The following P3H1 variants were observed in gnomAD, a reference collection of about 807,000 sequenced individuals.
P3H1 encodes growth suppressor 1.
A neutral mutation model predicts 84.0 loss-of-function variants in P3H1; 69 were observed. The observed-to-expected ratio is 0.82, with a 90% CI of 0.68 to 1.00. P3H1 has a LOEUF of 1.00. Ranked by LOEUF, P3H1 falls within the 50% of genes least tolerant of loss-of-function variation. The pLI is 0.00. For missense variants in P3H1, 878 were observed against 962.8 expected, an observed-to-expected ratio of 0.91 and a Z score of 1.17; for synonymous variants, 366 against 388.8, an observed-to-expected ratio of 0.94 and a Z score of 0.69.
At chr1:42,747,538 G>T in intron 13 of P3H1, 126 bp from the exon 14 acceptor site, 1 of 1,128,702 alleles carries the variant, frequency 8.9e-7, no homozygotes, top group Non-Finnish European at 1.3e-6. Context: ...CCTAAGACCA[G>T]AACTAAAGAG....
At position 42,746,791 on chromosome 1, in the gene P3H1, G is replaced by A. The variant is rs928671701; in HGVS notation, c.2117C>T (p.Ser706Phe). 1.3e-6 allele frequency: 2 copies of A among 1,580,218 alleles called. No homozygotes were observed. Among genetic ancestry groups the A allele is most frequent in the Non-Finnish European group, 1.7e-6 (2 of 1,163,144 alleles). Residue 706 changes from serine (S) to phenylalanine (F), a missense_variant, in exon 15 of 15, where the codon TCC becomes TTC. By Grantham distance (155) the Ser-to-Phe change is radical. Coordinates refer to ENST00000296388, the MANE Select transcript of P3H1 (RefSeq NM_022356.4). ...CTGGGCATCCAGGGGCTGCTCCTGG[G>A]AGAGGTCCATCTCTTCTGGGCTGAA... ...MLFSPEEMDL[S>F]QEQPLDAQQG...
intron 5 of P3H1, among the ~76,000 whole-genome samples, chr1:42,756,093 T>C (rs1652388518): frequency 6.6e-6 from 1 of 152,240 alleles, no homozygotes; most frequent in African/African-American, 2.4e-5. Context: ...ATGCTCATTC[T>C]ACAGAGGAAG....
chr1:42,748,470 G>A (rs1405915825), intron 11 of P3H1, 153 bp from the exon 12 acceptor site: 2 of 716,144 alleles, frequency 2.8e-6, no homozygotes, highest in African/African-American at 3.4e-5. Context: ...CAAGCCTAGG[G>A]GTCAGGACAA....
At chr1:42,747,511 C>T (rs1651796930) in intron 13 of P3H1, 99 bp from the exon 14 acceptor site, 1 of 1,271,564 alleles carries the variant, frequency 7.9e-7, no homozygotes, top group Non-Finnish European at 1.1e-6. Context: ...CCGAGGGCAG[C>T]TCTTCAGTAT....
chr1:42,760,388 C>G (rs1184096723), intron 2 of P3H1: 1 of 152,072 alleles, frequency 6.6e-6, no homozygotes, highest in Non-Finnish European at 1.5e-5. Flanking sequence ...GACAGACAGC[C>G]CAGGCTGGAG....
intron 10 of P3H1, among the ~76,000 whole-genome samples, chr1:42,750,940 G>T (rs1449126500): frequency 7.3e-6 from 1 of 137,404 alleles, no homozygotes; most frequent in Non-Finnish European, 1.6e-5. Flanking sequence ...GTCCGGGAGG[G>T]TGGTGGGGGG....
intron 4 of P3H1, among the ~76,000 whole-genome samples, chr1:42,758,613 T>C (rs1041809699): frequency 2.0e-5 from 3 of 152,198 alleles, no homozygotes; most frequent in Admixed American, 6.5e-5. Context: ...TTACAAGTTA[T>C]AGAAGGGACA....
At chr1:42,766,322 G>C (rs982627845) in intron 1 of P3H1, among the ~76,000 whole-genome samples, 185 bp downstream of exon 1, 2 of 152,174 alleles carry the variant, frequency 1.3e-5, no homozygotes, top group Non-Finnish European at 2.9e-5. Context: ...CTGCCCATGC[G>C]AACTGGGCGA....
Position 42,754,966 on chromosome 1 carries a change from G to A in P3H1, c.1248C>T (p.Arg416=). 3.1e-6 allele frequency: 5 copies of A among 1,614,172 alleles called. No homozygotes were observed. In the South Asian group the frequency reaches 5.5e-5, roughly 18 times the overall value. The change falls in exon 8 of 15, where the codon CGC becomes CGT. Residue 416 remains arginine, a synonymous_variant. Transcript: ENST00000296388. This position sits in a 1 kb window ranked among gnomAD's most constrained non-coding sequence, Gnocchi z 4.0. ...KQKSERETAV[R]ISQEIGNLMK... The stretch of plus-strand genomic sequence containing the variant: ...TAAGGTTCCCAATCTCCTGGGAGAT[G>A]CGTACGGCTGTTTCCCGTTCTGACC...
chr1:42,759,368 C>T lies in P3H1; in HGVS notation c.641G>A (p.Arg214Gln), dbSNP rs202218911. 49 of 1,614,012 alleles carry T rather than the reference C, an allele frequency of 3.0e-5. No individual in the cohort carries two copies. Among genetic ancestry groups the T allele is most frequent in the East Asian group, 4.5e-5 (2 of 44,888 alleles). Residue 214 changes from arginine (R) to glutamine (Q), a missense_variant, in exon 3 of 15, where the codon CGA becomes CAA. Arg to Gln is a conservative substitution (Grantham distance 43). Coordinates refer to ENST00000296388, the MANE Select transcript of P3H1 (RefSeq NM_022356.4). ...PHMQEFRLGV[R>Q]LYSEEQPQEA... ...CTGTGGCTGTTCCTCTGAGTAGAGT[C>T]GCACTCCCAGTCGAAATTCTTGCTA... is the stretch of plus-strand genomic sequence containing the variant.
intron 5 of P3H1, among the ~76,000 whole-genome samples, chr1:42,756,721 C>T (rs983853350): frequency 3.3e-5 from 5 of 152,166 alleles, no homozygotes; most frequent in Non-Finnish European, 4.4e-5. Context: ...TTTATTCATT[C>T]GATGCTGATT....
chr1:42,765,683 C>G (rs553489857), intron 1 of P3H1, among the ~76,000 whole-genome samples: 1 of 152,214 alleles, frequency 6.6e-6, no homozygotes, highest in African/African-American at 2.4e-5. Flanking sequence ...CTCTTTAGAT[C>G]GAATCGAAGG....
chr1:42,746,919 C>T (rs1312902515), intron 14 of P3H1, 67 bp from the exon 15 acceptor site: 1 of 1,614,176 alleles, frequency 6.2e-7, no homozygotes, highest in Admixed American at 1.7e-5. Flanking sequence ...CTCTCAGCTG[C>T]TACTTCCCAG....
chr1:42,765,896 A>T (rs759815801), intron 1 of P3H1, among the ~76,000 whole-genome samples: 1 of 151,890 alleles, frequency 6.6e-6, no homozygotes, highest in African/African-American at 2.4e-5. Context: ...CATCACCACC[A>T]CCAAACAAGC....
chr1:42,749,812 GCTGT>G (rs1651930558), intron 11 of P3H1: 1 of 231,942 alleles, frequency 4.3e-6, no homozygotes, highest in African/African-American at 2.2e-5. Context: ...TCTGTTGAGG[GCTGT>G]CTTTCAACAG....
intron 6 of P3H1, 133 bp from the exon 7 acceptor site, chr1:42,755,350 G>T: frequency 2.0e-6 from 2 of 1,004,902 alleles, no homozygotes; most frequent in South Asian, 2.7e-5. Flanking sequence ...AAAATGGGAG[G>T]TTTCCACATC....
Position 42,766,800 on chromosome 1 carries a change from T to A in P3H1, c.172A>T (p.Met58Leu), listed in dbSNP as rs775318643. Residue 58 changes from methionine (M) to leucine (L), a missense_variant, in exon 1 of 15, where the codon ATG (methionine) becomes TTG (leucine). Transcript: ENST00000296388. ...RGDWPGVVLS[M>L]ERALRSRAAL... is the part of the protein sequence containing the mutation. ...GCCCGGGAGCGCAGCGCCCGTTCCA[T>A]GCTCAGGACCACCCCGGGCCAGTCC... is the stretch of plus-strand genomic sequence containing the variant. The A allele has an allele frequency of 2.5e-6, 4 of 1,603,060 alleles. No individual in the cohort carries two copies. Among genetic ancestry groups the A allele is most frequent in the South Asian group, 1.1e-5 (1 of 90,958 alleles).
At chr1:42,762,200 A>C in intron 2 of P3H1, 123 bp downstream of exon 2, 2 of 973,124 alleles carry the variant, frequency 2.1e-6, no homozygotes, top group African/African-American at 1.6e-5. Context: ...GAGTCCGGGA[A>C]TTTGAGGTTA....
rs1557573506 is a variant in P3H1, at chr1:42,759,294, A to G, written c.715T>C (p.Tyr239His). Residue 239 changes from tyrosine (Y) to histidine (H), a missense_variant, in exon 3 of 15, where the codon TAT becomes CAT. Coordinates refer to ENST00000296388, the MANE Select transcript of P3H1 (RefSeq NM_022356.4). ...TCGCAGAGGGCACGGCACTCCTCAT[A>G]GGCCACAAAGTATTCTTGCAGCGCC... Reference protein sequence around the residue: ...EAALQEYFVAYEECRALCEGP... With the variant: ...EAALQEYFVAHEECRALCEGP... The G allele has an allele frequency of 1.2e-6, 2 of 1,614,118 alleles. No individual in the cohort carries two copies. The highest frequency in any genetic ancestry group is 1.7e-6 in the Non-Finnish European group (2 of 1,180,006).
Sources: gnomAD v4.1 joint callset for allele counts (sites outside exome capture counted in the v4.1 genomes callset) on GRCh38, gnomAD v4.1.1 for gene constraint, Gnocchi (gnomAD v3.1) non-coding constraint, MANE v1.5 for transcripts, NCBI Gene and HGNC (gene_info 2026-07-23, HGNC 2026-07-21) for gene names.